LPGAT1: variants seen among roughly 807,000 people sequenced by gnomAD.
LPGAT1 encodes the protein lysophosphatidylglycerol acyltransferase 1.
A neutral mutation model predicts 47.5 loss-of-function variants in LPGAT1; 11 were observed. The observed-to-expected ratio is 0.23, with a 90% CI of 0.15 to 0.38. LPGAT1 has a LOEUF of 0.38. Among genes scored for constraint, LPGAT1 ranks in the 10% least tolerant of loss-of-function variants. LPGAT1 has a pLI of 1.00. For synonymous variants in LPGAT1, 138 were observed against 144.2 expected, an observed-to-expected ratio of 0.96 and a Z score of 0.31; for missense variants, 293 against 439.0, an observed-to-expected ratio of 0.67 and a Z score of 2.97.
At chr1:211,760,323 C>T (rs1245478916) in intron 6 of LPGAT1, among the ~76,000 whole-genome samples, 1 of 152,144 alleles carries the variant, frequency 6.6e-6, no homozygotes, top group Non-Finnish European at 1.5e-5. Context: ...GGCGTGGTGG[C>T]ACATGCCTGT....
chr1:211,830,390 G>C lies in LPGAT1; in HGVS notation c.-28+183C>G, dbSNP rs1660694096. ...GGACCTGTCACCCGGGCGGGTCCCG[G>C]GGAGGCGGGCGGATGCCCCGCGCCC... On this transcript the variant is annotated intron_variant, in intron 1 of 7. Transcript: ENST00000366997. The surrounding 1 kb of genome is among the most constrained non-coding windows in gnomAD (Gnocchi z 5.9). 2.6e-6 allele frequency: 3 copies of C among 1,171,942 alleles called. No individual in the cohort carries two copies. The South Asian group carries it at 1.3e-4, about 51-fold the overall frequency. 72.6% of individuals were successfully genotyped at this position (1,171,942 alleles called of 1,614,324 possible). A position where few individuals can be genotyped will look rare whatever the true frequency, so the allele number is the denominator to read the frequency against.
At chr1:211,752,264 GCTCTAAATCA>G (rs1337765361) in intron 6 of LPGAT1, among the ~76,000 whole-genome samples, 1 of 152,040 alleles carries the variant, frequency 6.6e-6, no homozygotes. Flanking sequence ...TATAATCAAT[GCTCTAAATCA>G]GGTCTGTAAG....
rs1660703531 is a variant in LPGAT1, at chr1:211,830,591, C to T, written c.-46G>A. The T allele has an allele frequency of 1.7e-6, 2 of 1,209,434 alleles. No individual in the cohort carries two copies. Among genetic ancestry groups the T allele is most frequent in the South Asian group, 4.1e-5 (1 of 24,168 alleles). 74.9% of individuals were successfully genotyped at this position (1,209,434 alleles called of 1,614,324 possible). Reference sequence around the variant, plus strand: ...AGGTTACCTCGGGCTGGCCGGGCCCCAGCCGGGGCTTTGGGAGTCAGAGGA... The same window carrying T: ...AGGTTACCTCGGGCTGGCCGGGCCCTAGCCGGGGCTTTGGGAGTCAGAGGA... On this transcript the variant is annotated 5_prime_UTR_variant, in exon 1 of 8. The change creates a premature stop within an existing upstream ORF in the 5' untranslated region. Transcript: ENST00000366997. The surrounding 1 kb of genome is among the most constrained non-coding windows in gnomAD (Gnocchi z 5.9).
intron 6 of LPGAT1, among the ~76,000 whole-genome samples, chr1:211,774,132 C>CTTGTTTTTTTTTT (rs1658289997): frequency 1.5e-5 from 1 of 66,820 alleles, no homozygotes; most frequent in Non-Finnish European, 2.4e-5. Flanking sequence ...TTTTAAAAGT[C>CTTGTTTTTTTTTT]TTTTTTTTTT....
chr1:211,823,746 T>G (rs1044902584), intron 2 of LPGAT1, among the ~76,000 whole-genome samples: 7 of 152,146 alleles, frequency 4.6e-5, no homozygotes, highest in Non-Finnish European at 1.0e-4. Flanking sequence ...AAAACCAGCC[T>G]GGGCAACAGC....
chr1:211,795,572 G>C (rs1465973413), intron 2 of LPGAT1, among the ~76,000 whole-genome samples: 1 of 152,110 alleles, frequency 6.6e-6, no homozygotes, highest in African/African-American at 2.4e-5. Flanking sequence ...TCTCCATGTT[G>C]GTCAGGCTGG....
intron 2 of LPGAT1, among the ~76,000 whole-genome samples, chr1:211,822,637 G>C (rs983206957): frequency 1.3e-5 from 2 of 151,952 alleles, no homozygotes; most frequent in Non-Finnish European, 1.5e-5. Flanking sequence ...AATTAGCCAG[G>C]CATGGTGGTA....
chr1:211,808,602 C>A (rs898641932), intron 2 of LPGAT1, among the ~76,000 whole-genome samples: 1 of 152,054 alleles, frequency 6.6e-6, no homozygotes, highest in Non-Finnish European at 1.5e-5. Context: ...GGGTAGAGAA[C>A]AACTGGAACA....
intron 6 of LPGAT1, among the ~76,000 whole-genome samples, chr1:211,764,757 C>G (rs1203251009): frequency 6.6e-6 from 1 of 152,064 alleles, no homozygotes; most frequent in Non-Finnish European, 1.5e-5. Context: ...GGAAATAAAC[C>G]AAGGCAGGTA....
Position 211,750,999 on chromosome 1 carries a change from A to G in LPGAT1, c.923T>C (p.Val308Ala), listed in dbSNP as rs1272630243. 6.2e-7 allele frequency: 1 copy of G among 1,613,778 alleles called. No individual in the cohort carries two copies. Among genetic ancestry groups the G allele is most frequent in the African/African-American group, 1.3e-5 (1 of 74,928 alleles). ...DLTTWLYQRF[V>A]EKEDLLSHFY... is the part of the protein sequence containing the mutation. ...ATGTGATAAGAGGTCTTCTTTTTCA[A>G]CAAACCGCTGATAGAGCCAAGTGGT... Residue 308 changes from valine to alanine, a missense_variant, in exon 7 of 8, where the codon GTT (valine) becomes GCT (alanine). Physicochemically the swap from Val to Ala is moderately conservative, Grantham distance 64 (BLOSUM62 0). Coordinates refer to ENST00000366997, the MANE Select transcript of LPGAT1 (RefSeq NM_014873.3).
At chr1:211,790,234 G>A (rs556657893) in intron 3 of LPGAT1, among the ~76,000 whole-genome samples, 2 of 152,258 alleles carry the variant, frequency 1.3e-5, no homozygotes, top group Non-Finnish European at 2.9e-5. Flanking sequence ...CTAGCATTTA[G>A]TGTGTGGCAG....
intron 5 of LPGAT1, among the ~76,000 whole-genome samples, chr1:211,779,838 G>A (rs1558265156): frequency 6.9e-6 from 1 of 145,866 alleles, no homozygotes; most frequent in Non-Finnish European, 1.5e-5. Context: ...GGGCACAAGA[G>A]CAAAACTCCG....
At chr1:211,751,265 A>G (rs1441003848) in intron 6 of LPGAT1, among the ~76,000 whole-genome samples, 198 bp from the exon 7 acceptor site, 1 of 152,226 alleles carries the variant, frequency 6.6e-6, no homozygotes, top group Non-Finnish European at 1.5e-5. Flanking sequence ...TTATGCATTA[A>G]TTCAAACATT....
intron 2 of LPGAT1, among the ~76,000 whole-genome samples, chr1:211,815,358 T>A (rs1422394690): frequency 6.6e-6 from 1 of 152,096 alleles, no homozygotes; most frequent in East Asian, 1.9e-4. Context: ...CTCTACCTCA[T>A]CCTCCATGTC....
intron 2 of LPGAT1, among the ~76,000 whole-genome samples, chr1:211,811,861 CA>C (rs1332110139): frequency 1.8e-4 from 28 of 152,110 alleles, no homozygotes; most frequent in Non-Finnish European, 3.5e-4. Context: ...GCCTAAAAAA[CA>C]AAAAAGATGA....
chr1:211,793,259 GA>G (rs1659210240), intron 2 of LPGAT1, 69 bp from the exon 3 acceptor site: 9 of 976,432 alleles, frequency 9.2e-6, no homozygotes, highest in South Asian at 4.5e-5. Context: ...CCTTATATTA[GA>G]AAAAATGATG....
intron 2 of LPGAT1, among the ~76,000 whole-genome samples, chr1:211,797,314 T>TC (rs1450608900): frequency 3.5e-5 from 5 of 144,798 alleles, no homozygotes; most frequent in African/African-American, 1.3e-4. Context: ...TCCTTTTCTT[T>TC]TTTTTTTTTT....
At chr1:211,810,049 G>A (rs889376288) in intron 2 of LPGAT1, among the ~76,000 whole-genome samples, 5 of 152,010 alleles carry the variant, frequency 3.3e-5, no homozygotes, top group South Asian at 2.1e-4. Flanking sequence ...ATGTAGAGCC[G>A]GAAAGGAATT....
At chr1:211,774,916 C>T (rs964562574) in intron 6 of LPGAT1, among the ~76,000 whole-genome samples, 2 of 152,168 alleles carry the variant, frequency 1.3e-5, no homozygotes, top group Non-Finnish European at 2.9e-5. Flanking sequence ...GAAAAACATT[C>T]TGCTCCACAT....
Sources: gnomAD v4.1 joint callset for allele counts (sites outside exome capture counted in the v4.1 genomes callset) on GRCh38, gnomAD v4.1.1 for gene constraint, Gnocchi (gnomAD v3.1) non-coding constraint, MANE v1.5 for transcripts, NCBI Gene and HGNC (gene_info 2026-07-23, HGNC 2026-07-21) for gene names.